PAPOLG: variants seen among roughly 807,000 people sequenced by gnomAD.
PAPOLG encodes the protein poly(A) polymerase gamma.
PAPOLG carries 40 observed loss-of-function variants against 99.0 expected under a neutral mutation model. The observed-to-expected ratio is 0.40, with a 90% CI of 0.31 to 0.53. The LOEUF is 0.53. Ranked by LOEUF, PAPOLG falls within the 20% of genes least tolerant of loss-of-function variation. PAPOLG has a pLI of 0.41. For missense variants in PAPOLG, 675 were observed against 884.1 expected, an observed-to-expected ratio of 0.76 and a Z score of 3.00; for synonymous variants, 310 against 299.3, an observed-to-expected ratio of 1.04 and a Z score of -0.37.
chr2:60,783,282 T>C, intron 13 of PAPOLG, 73 bp downstream of exon 13: 1 of 845,472 alleles, frequency 1.2e-6, no homozygotes. Flanking sequence ...CTTTACCATT[T>C]ATAAAGTACT....
rs868417694 is a variant in PAPOLG at position 60,770,370 on chromosome 2, G to A, written c.439-88G>A. The A allele has an allele frequency of 7.0e-5, 76 of 1,092,640 alleles. 1 individual carries two copies. In the Middle Eastern group the frequency reaches 1.6e-3, roughly 24 times the overall value. 67.7% of individuals were successfully genotyped at this position (1,092,640 alleles called of 1,614,324 possible). A position where few individuals can be genotyped will look rare whatever the true frequency, so the allele number is the denominator to read the frequency against. ...CTTCTATGTGGTTAAAATACAAATC[G>A]GGAGTAAAGATATTCACATTATTGG... On this transcript the variant is annotated intron_variant, in intron 5 of 21. Transcript: ENST00000238714.
In PAPOLG at chr2:60,781,900, A is replaced by C. The variant is rs754932516; in HGVS notation, c.922A>C (p.Arg308=). The change falls in exon 11 of 22, where the codon AGG becomes CGG. Residue 308 remains arginine, a synonymous_variant. Coordinates refer to ENST00000238714, the MANE Select transcript of PAPOLG (RefSeq NM_022894.4). ...AATTTCACAGGTAAATCCATCAGAT[A>C]GGTATCATCTCATGCCCATAATCAC... ...VWDPRVNPSD[R]YHLMPIITPA... The C allele has an allele frequency of 6.2e-7, 1 of 1,613,888 alleles. No individual in the cohort carries two copies. Among genetic ancestry groups the C allele is most frequent in the African/African-American group, 1.3e-5 (1 of 75,058 alleles).
Position 60,768,852 on chromosome 2 carries a change from G to T in PAPOLG, c.400G>T (p.Glu134Ter). The T allele has an allele frequency of 6.3e-7, 1 of 1,599,782 alleles. No homozygotes were observed. The highest frequency in any genetic ancestry group is 8.5e-7 in the Non-Finnish European group (1 of 1,172,226). The change falls in exon 5 of 22, where the codon GAA becomes TAA. Residue 134 changes from glutamate (E) to a stop codon, truncating the protein, a stop_gained. Coordinates refer to ENST00000238714, the MANE Select transcript of PAPOLG (RefSeq NM_022894.4). LOFTEE classifies it high-confidence loss of function. ...ERSDFFQSFF[E>*]KLKHQDGIRN... The stretch of plus-strand genomic sequence containing the variant: ...ATCTGATTTTTTTCAGTCTTTTTTT[G>T]AAAAATTGAAACATCAAGATGGCAT...
Position 60,793,982 on chromosome 2 carries a change from A to G in PAPOLG, c.1780A>G (p.Thr594Ala), listed in dbSNP as rs1331005863. 3.1e-6 allele frequency: 5 copies of G among 1,607,992 alleles called. No homozygotes were observed. In the South Asian group the frequency reaches 5.5e-5, roughly 18 times the overall value. ...IPVIGAKVDS[T>A]VKTVSPPTVC... is the part of the protein sequence containing the mutation. ...TTTTTCCTTTTCAGAAGTTGACTCTACAGTAAAAACTGTATCACCCCCCAC... is the reference window on the plus strand; with the variant it reads ...TTTTTCCTTTTCAGAAGTTGACTCTGCAGTAAAAACTGTATCACCCCCCAC... Residue 594 changes from threonine to alanine, a missense_variant, in exon 19 of 22, where the codon ACA (threonine) becomes GCA (alanine). Transcript: ENST00000238714.
intron 21 of PAPOLG, among the ~76,000 whole-genome samples, chr2:60,796,755 G>A (rs1573263223): frequency 6.6e-6 from 1 of 151,166 alleles, no homozygotes; most frequent in East Asian, 1.9e-4. Context: ...TAAGGACTGT[G>A]TTCTTTATGC....
chr2:60,782,467 G>A (rs1671218205), intron 11 of PAPOLG, among the ~76,000 whole-genome samples: 1 of 151,786 alleles, frequency 6.6e-6, no homozygotes, highest in South Asian at 2.1e-4. Context: ...TGGGGCAGGA[G>A]AATCGCTTGA....
At position 60,756,464 on chromosome 2, in the gene PAPOLG, G is replaced by A. The variant is rs886283238; in HGVS notation, c.-15G>A. 13 of 1,612,026 alleles carry A rather than the reference G, an allele frequency of 8.1e-6. No individual in the cohort carries two copies. Among genetic ancestry groups the A allele is most frequent in the Non-Finnish European group, 1.1e-5 (13 of 1,179,186 alleles). ...GAGCGATAAACACTCGCTGGAGAGG[G>A]AGACGCAGGAAGCGATGAAAGAGAT... On this transcript the variant is annotated 5_prime_UTR_variant, in exon 1 of 22. Transcript: ENST00000238714.
At position 60,783,324 on chromosome 2, in the gene PAPOLG, CTTTTTTT is replaced by C; in HGVS notation, c.1166+129_1166+135del. 14 of 157,946 alleles carry C rather than the reference CTTTTTTT, an allele frequency of 8.9e-5. No homozygotes were observed. The South Asian group carries it at 1.8e-3, about 21-fold the overall frequency. 9.8% of individuals were successfully genotyped at this position (157,946 alleles called of 1,614,324 possible). On this transcript the variant is annotated intron_variant, in intron 13 of 21. Coordinates refer to ENST00000238714, the MANE Select transcript of PAPOLG (RefSeq NM_022894.4). The stretch of plus-strand genomic sequence containing the variant: ...CTTGATTTTCAAAATTATTATATCT[CTTTTTTT>C]TTTTTTTTTTTTTGAGACAAAGTCT...
chr2:60,793,358 G>C (rs563739028), intron 17 of PAPOLG, among the ~76,000 whole-genome samples: 1 of 152,060 alleles, frequency 6.6e-6, no homozygotes, highest in East Asian at 1.9e-4. Context: ...AGGAGTTCAA[G>C]ACCAGCCTGG....
chr2:60,778,718 A>G (rs1047765603), intron 8 of PAPOLG, among the ~76,000 whole-genome samples: 1 of 152,186 alleles, frequency 6.6e-6, no homozygotes, highest in Non-Finnish European at 1.5e-5. Context: ...AGCAAGTAGA[A>G]TTTGTCCTTG....
In PAPOLG at chr2:60,783,929, G is replaced by C. The variant is rs1671279736; in HGVS notation, c.1166+720G>C. On this transcript the variant is annotated intron_variant, in intron 13 of 21. Transcript: ENST00000238714. Reference sequence around the variant, plus strand: ...CAGATTTAAGCAAAATTTTGAGCTAGTTTGGATGATTCTGATAGCTACCAT... The same window carrying C: ...CAGATTTAAGCAAAATTTTGAGCTACTTTGGATGATTCTGATAGCTACCAT... Among the ~76,000 whole-genome samples the C allele has an allele frequency of 3.9e-5, 6 of 152,294 alleles. No homozygotes were observed. The South Asian group carries it at 1.2e-3, about 32-fold the overall frequency.
At chr2:60,793,546 A>G in intron 17 of PAPOLG, 81 bp from the exon 18 acceptor site, 2 of 1,501,868 alleles carry the variant, frequency 1.3e-6, no homozygotes, top group African/African-American at 1.4e-5. Flanking sequence ...CTTGGGCAGT[A>G]GAATGAGGCC....
intron 7 of PAPOLG, among the ~76,000 whole-genome samples, chr2:60,771,911 G>T (rs966465976): frequency 2.6e-5 from 4 of 152,152 alleles, no homozygotes; most frequent in African/African-American, 9.6e-5. Context: ...GTTTATGTGG[G>T]TTATATCTGT....
intron 19 of PAPOLG, 39 bp downstream of exon 19, chr2:60,794,230 T>C (rs1391120620): frequency 6.4e-7 from 1 of 1,560,788 alleles, no homozygotes; most frequent in African/African-American, 1.4e-5. Context: ...GTAGTTGATA[T>C]TTTTTATAGT....
intron 15 of PAPOLG, among the ~76,000 whole-genome samples, chr2:60,787,971 G>A (rs187129463): frequency 3.3e-5 from 5 of 152,070 alleles, no homozygotes; most frequent in African/African-American, 1.2e-4. Flanking sequence ...GAACCTGGGA[G>A]GAGGAGGTTG....
In PAPOLG at chr2:60,782,698, C is replaced by T; in HGVS notation, c.1040C>T (p.Thr347Ile). The change falls in exon 12 of 22, where the codon ACA (threonine) becomes ATA (isoleucine). Residue 347 changes from threonine to isoleucine, a missense_variant. Physicochemically the swap from Thr to Ile is moderately conservative, Grantham distance 89 (BLOSUM62 -1). Coordinates refer to ENST00000238714, the MANE Select transcript of PAPOLG (RefSeq NM_022894.4). ...VEEFKQGLAV[T>I]DEILQGKSDW... is the part of the protein sequence containing the mutation. ...TTTTTTAATTTAGGTCTTGCAGTCACAGATGAAATTCTTCAAGGAAAGTCA... is the reference window on the plus strand; with the variant it reads ...TTTTTTAATTTAGGTCTTGCAGTCATAGATGAAATTCTTCAAGGAAAGTCA... 8.0e-7 allele frequency: 1 copy of T among 1,251,328 alleles called. No individual in the cohort carries two copies. The highest frequency in any genetic ancestry group is 1.0e-6 in the Non-Finnish European group (1 of 954,668). The allele number at this position is 1,251,328 out of a possible 1,614,324, so 77.5% of individuals were successfully genotyped here. A position where few individuals can be genotyped will look rare whatever the true frequency, so the allele number is the denominator to read the frequency against.
chr2:60,795,180 T>C, intron 21 of PAPOLG, 160 bp downstream of exon 21: 1 of 666,268 alleles, frequency 1.5e-6, no homozygotes, highest in South Asian at 1.7e-5. Context: ...AGATAGCAAG[T>C]ATATAGTTCT....
At chr2:60,765,061 C>G (rs1670632907) in intron 3 of PAPOLG, among the ~76,000 whole-genome samples, 1 of 151,886 alleles carries the variant, frequency 6.6e-6, no homozygotes, top group African/African-American at 2.4e-5. Flanking sequence ...TTGTAATTGT[C>G]TCTTTTGTGT....
chr2:60,800,453 G>A lies in PAPOLG; in HGVS notation c.*3293G>A, dbSNP rs1014866873. On this transcript the variant is annotated 3_prime_UTR_variant, in exon 22 of 22. Transcript: ENST00000238714. Reference sequence around the variant, plus strand: ...CTGCTTCGGCCACCCTAAGTGCTGGGATTACAGGCATAAGCTACTGTGCCC... The same window carrying A: ...CTGCTTCGGCCACCCTAAGTGCTGGAATTACAGGCATAAGCTACTGTGCCC... The A allele has an allele frequency of 6.6e-6, 1 of 152,342 alleles. No homozygotes were observed. Among genetic ancestry groups the A allele is most frequent in the East Asian group, 1.9e-4 (1 of 5,328 alleles). The allele number at this position is 152,342 out of a possible 1,614,324, so 9.4% of individuals were successfully genotyped here.
Sources: gnomAD v4.1 joint callset for allele counts (sites outside exome capture counted in the v4.1 genomes callset) on GRCh38, gnomAD v4.1.1 for gene constraint, MANE v1.5 for transcripts, NCBI Gene and HGNC (gene_info 2026-07-23, HGNC 2026-07-21) for gene names.